The following KIAA0825 variants were observed in gnomAD, a reference collection of about 807,000 sequenced individuals.
KIAA0825 encodes KIAA0825.
A neutral mutation model predicts 147.6 loss-of-function variants in KIAA0825; 119 were observed. The observed-to-expected ratio is 0.81, with a 90% confidence interval of 0.69 to 0.94. KIAA0825 has a LOEUF of 0.94. KIAA0825 is among the 40% of genes least tolerant of loss of function. The probability of loss-of-function intolerance (pLI) is 0.00; values close to 1 mark genes in which losing one functional copy is unlikely to be tolerated. For missense variants in KIAA0825, 1,381 were observed against 1,472.7 expected (o/e 0.94, Z 1.02); for synonymous variants, 470 against 518.1 (o/e 0.91, Z 1.26).
intron 12 of KIAA0825, among the ~76,000 whole-genome samples, chr5:94,453,359 T>G (rs1381841177): frequency 1.1e-4 from 11 of 103,742 alleles, no homozygotes; most frequent in Non-Finnish European, 2.2e-4. Context: ...TTTTTTTTTT[T>G]GTATTTTAGT....
chr5:94,234,335 C>T (rs1256917915), intron 20 of KIAA0825, among the ~76,000 whole-genome samples: 2 of 151,062 alleles, frequency 1.3e-5, no homozygotes, highest in Admixed American at 1.3e-4. Context: ...CGCGCCACTG[C>T]ACTCCAGCCT....
chr5:94,156,998 A>G (rs1262598160), intron 20 of KIAA0825, among the ~76,000 whole-genome samples: 3 of 151,886 alleles, frequency 2.0e-5, no homozygotes, highest in African/African-American at 7.2e-5. Context: ...TAAAAAAAAA[A>G]TACTGAAAGA....
intron 18 of KIAA0825, among the ~76,000 whole-genome samples, chr5:94,391,330 A>T (rs1375342959): frequency 6.6e-6 from 1 of 152,256 alleles, no homozygotes; most frequent in Non-Finnish European, 1.5e-5. Flanking sequence ...AACCATATAA[A>T]TAAAATCTAC....
intron 20 of KIAA0825, among the ~76,000 whole-genome samples, chr5:94,305,064 C>T (rs1476056680): frequency 6.6e-6 from 1 of 151,966 alleles, no homozygotes; most frequent in Non-Finnish European, 1.5e-5. Flanking sequence ...TCCTCCAATA[C>T]AAATTGCAAT....
chr5:94,563,306 C>T (rs1213089577), intron 2 of KIAA0825, among the ~76,000 whole-genome samples: 1 of 151,308 alleles, frequency 6.6e-6, no homozygotes, highest in African/African-American at 2.4e-5. Context: ...TGCAGTGAGC[C>T]GTGATCGCAC....
At chr5:94,337,503 G>A (rs1781940128) in intron 20 of KIAA0825, among the ~76,000 whole-genome samples, 2 of 152,122 alleles carry the variant, frequency 1.3e-5, no homozygotes, top group Non-Finnish European at 2.9e-5. Context: ...TTTTTAAAGA[G>A]CTTATCAAGT....
intron 3 of KIAA0825, among the ~76,000 whole-genome samples, chr5:94,533,786 A>G (rs2151313658): frequency 6.6e-6 from 1 of 152,324 alleles, no homozygotes; most frequent in Non-Finnish European, 1.5e-5. Context: ...ATTCATCATC[A>G]CTAATTTCTG....
At chr5:94,280,482 T>A (rs1777409302) in intron 20 of KIAA0825, among the ~76,000 whole-genome samples, 1 of 152,070 alleles carries the variant, frequency 6.6e-6, no homozygotes, top group African/African-American at 2.4e-5. Flanking sequence ...AGATTTGCCA[T>A]TTTAGTGGGA....
At chr5:94,241,664 C>T (rs1315635977) in intron 20 of KIAA0825, among the ~76,000 whole-genome samples, 1 of 151,996 alleles carries the variant, frequency 6.6e-6, no homozygotes, top group Non-Finnish European at 1.5e-5. Flanking sequence ...AATACCCTTC[C>T]TACATTTGGG....
intron 2 of KIAA0825, among the ~76,000 whole-genome samples, chr5:94,575,964 T>C (rs552057528): frequency 7.9e-5 from 12 of 152,298 alleles, no homozygotes; most frequent in African/African-American, 2.9e-4. Flanking sequence ...AGCTCATGAA[T>C]AGATTTTAAA....
At chr5:94,343,895 C>T (rs1161947865) in intron 20 of KIAA0825, among the ~76,000 whole-genome samples, 5 of 152,050 alleles carry the variant, frequency 3.3e-5, no homozygotes, top group Non-Finnish European at 7.4e-5. Flanking sequence ...TCCAAATGCT[C>T]AATAAATATG....
chr5:94,458,368 G>A (rs1759390287), intron 12 of KIAA0825, among the ~76,000 whole-genome samples: 1 of 152,144 alleles, frequency 6.6e-6, no homozygotes, highest in Admixed American at 6.6e-5. Flanking sequence ...ACCAGACCTT[G>A]CTTAGTTAAA....
intron 18 of KIAA0825, among the ~76,000 whole-genome samples, chr5:94,389,436 G>C (rs1749610102): frequency 6.6e-6 from 1 of 152,148 alleles, no homozygotes; most frequent in South Asian, 2.1e-4. Context: ...ATAGGGGTGT[G>C]GCACAACATC....
intron 20 of KIAA0825, among the ~76,000 whole-genome samples, chr5:94,356,952 T>C (rs1349977676): frequency 6.6e-6 from 1 of 151,956 alleles, no homozygotes; most frequent in Non-Finnish European, 1.5e-5. Flanking sequence ...CTCAATCTCC[T>C]GACCTCGTGA....
chr5:94,512,591 G>C (rs1584737695), intron 5 of KIAA0825, among the ~76,000 whole-genome samples: 2 of 143,472 alleles, frequency 1.4e-5, no homozygotes, highest in African/African-American at 5.2e-5. Context: ...GCAAGATCCT[G>C]TCTTAAAAAA....
At chr5:94,402,792 CTTCT>C (rs1751554672) in intron 16 of KIAA0825, among the ~76,000 whole-genome samples, 1 of 151,322 alleles carries the variant, frequency 6.6e-6, no homozygotes, top group South Asian at 2.1e-4. Flanking sequence ...TGAAAATATT[CTTCT>C]TTAAGGATGA....
intron 14 of KIAA0825, among the ~76,000 whole-genome samples, chr5:94,428,332 T>C (rs1755188080): frequency 6.6e-6 from 1 of 152,140 alleles, no homozygotes; most frequent in African/African-American, 2.4e-5. Context: ...TATTGTGTGG[T>C]TGCATTTTCT....
intron 18 of KIAA0825, among the ~76,000 whole-genome samples, chr5:94,386,694 C>T (rs1749192531): frequency 6.6e-6 from 1 of 152,126 alleles, no homozygotes; most frequent in African/African-American, 2.4e-5. Flanking sequence ...TTTTAACAGG[C>T]ATTGTCTTGT....
chr5:94,234,365 C>T (rs566965267), intron 20 of KIAA0825, among the ~76,000 whole-genome samples: 7 of 145,808 alleles, frequency 4.8e-5, no homozygotes, highest in Admixed American at 1.4e-4. Context: ...AGCGAGACTC[C>T]GTCTCAAAAA....
Sources: allele counts gnomAD v4.1 joint callset (sites outside exome capture counted in the v4.1 genomes callset), GRCh38; gene constraint gnomAD v4.1.1; transcripts MANE v1.5; gene names NCBI Gene and HGNC (gene_info 2026-07-23, HGNC 2026-07-21).